The following MALRD1 variants were observed in gnomAD, a reference collection of about 807,000 sequenced individuals.
The protein encoded by MALRD1 is MAM and LDL receptor class A domain containing 1, also known as MAM and LDL-receptor class A domain-containing protein 1.
In MALRD1, 247 loss-of-function variants were observed where a neutral mutation model predicts 242.1. That is an observed-to-expected ratio of 1.02 (90% CI 0.92 to 1.13). The LOEUF is 1.13. Ranked by LOEUF, MALRD1 falls within the 50% of genes most tolerant of loss-of-function variation. MALRD1 has a pLI of 0.00. For missense variants in MALRD1, 2,989 were observed against 2,533.1 expected (o/e 1.18, Z -3.86); for synonymous variants, 995 against 866.6 (o/e 1.15, Z -2.60).
At chr10:19,510,129 G>A (rs1482198400) in intron 31 of MALRD1, among the ~76,000 whole-genome samples, 1 of 152,146 alleles carries the variant, frequency 6.6e-6, no homozygotes, top group Admixed American at 6.5e-5. Context: ...CTTTTGATGT[G>A]CACGTACGTA....
At chr10:19,469,714 G>A (rs1836401322) in intron 29 of MALRD1, among the ~76,000 whole-genome samples, 1 of 151,798 alleles carries the variant, frequency 6.6e-6, no homozygotes, top group Non-Finnish European at 1.5e-5. Flanking sequence ...TGGGTTACAT[G>A]CCAAAAGTAA....
At chr10:19,724,992 A>G (rs888251417) in intron 38 of MALRD1, 1 of 152,224 alleles carries the variant, frequency 6.6e-6, no homozygotes. Flanking sequence ...CTAAAAGAAT[A>G]AAATACCTGG....
intron 21 of MALRD1, among the ~76,000 whole-genome samples, chr10:19,315,261 TAAATATAA>T (rs1564554669): frequency 1.3e-4 from 6 of 47,854 alleles, no homozygotes; most frequent in Non-Finnish European, 2.0e-4. Flanking sequence ...TATAAATATA[TAAATATAA>T]TTTATAGAAA....
chr10:19,345,452 G>T (rs1172557286), intron 24 of MALRD1, among the ~76,000 whole-genome samples: 2 of 151,878 alleles, frequency 1.3e-5, no homozygotes, highest in Admixed American at 6.6e-5. Flanking sequence ...GCTGAGTTGG[G>T]GTTCATTATT....
At position 19,155,173 on chromosome 10, in the gene MALRD1, G is replaced by C; in HGVS notation, c.1656+1G>C. 1 of 1,230,164 alleles carries C rather than the reference G, an allele frequency of 8.1e-7. No homozygotes were observed. Among genetic ancestry groups the C allele is most frequent in the Non-Finnish European group, 1.0e-6 (1 of 986,624 alleles). 76.2% of individuals were successfully genotyped at this position (1,230,164 alleles called of 1,614,324 possible). On this transcript the variant is annotated splice_donor_variant, in intron 12 of 39. Coordinates refer to ENST00000454679, the MANE Select transcript of MALRD1 (RefSeq NM_001142308.3). LOFTEE classifies it high-confidence loss of function. ...GCTCACTGCCTCTACCCCATGTCAG[G>C]TAATCAACTGTTCTGAATTTCCACT...
intron 31 of MALRD1, among the ~76,000 whole-genome samples, chr10:19,502,804 A>C (rs1589164311): frequency 6.6e-6 from 1 of 152,332 alleles, no homozygotes; most frequent in East Asian, 1.9e-4. Flanking sequence ...TGATACAAAA[A>C]CTGCAGGCTC....
intron 38 of MALRD1, among the ~76,000 whole-genome samples, chr10:19,714,669 A>T (rs752291669): frequency 3.3e-5 from 5 of 152,164 alleles, no homozygotes; most frequent in Non-Finnish European, 5.9e-5. Flanking sequence ...AATGTGACAC[A>T]TCCATAAAAG....
chr10:19,352,592 G>A (rs553842411), intron 26 of MALRD1, among the ~76,000 whole-genome samples: 1 of 152,188 alleles, frequency 6.6e-6, no homozygotes, highest in South Asian at 2.1e-4. Context: ...GTCTGCTTCA[G>A]AATTTAATCC....
intron 5 of MALRD1, among the ~76,000 whole-genome samples, chr10:19,111,993 A>G (rs186861100): frequency 1.6e-3 from 244 of 152,270 alleles, no homozygotes; most frequent in Non-Finnish European, 3.1e-3. Flanking sequence ...TTAAATTGCC[A>G]AATGGGACTC....
At chr10:19,228,346 T>C (rs1454463941) in intron 18 of MALRD1, among the ~76,000 whole-genome samples, 6 of 152,074 alleles carry the variant, frequency 3.9e-5, no homozygotes, top group Non-Finnish European at 8.8e-5. Context: ...AAATGCAAAC[T>C]GTAGAAACAG....
chr10:19,077,667 C>T (rs1835358551), intron 2 of MALRD1, among the ~76,000 whole-genome samples: 1 of 151,850 alleles, frequency 6.6e-6, no homozygotes, highest in African/African-American at 2.4e-5. Context: ...AATCTAAATA[C>T]ACTAAATATA....
intron 36 of MALRD1, among the ~76,000 whole-genome samples, chr10:19,661,070 C>CA (rs777048444): frequency 9.1e-4 from 138 of 152,224 alleles, no homozygotes; most frequent in Non-Finnish European, 1.6e-3. Flanking sequence ...AAATGCAAAT[C>CA]AAAACCACAA....
chr10:19,221,627 C>A (rs1837558469), intron 18 of MALRD1, among the ~76,000 whole-genome samples: 2 of 152,070 alleles, frequency 1.3e-5, no homozygotes, highest in Non-Finnish European at 2.9e-5. Flanking sequence ...GTCAAGCAGA[C>A]CTCATTAAAG....
intron 25 of MALRD1, among the ~76,000 whole-genome samples, chr10:19,349,881 C>A (rs1844297282): frequency 6.6e-6 from 1 of 152,086 alleles, no homozygotes; most frequent in South Asian, 2.1e-4. Flanking sequence ...AAGATTTCAT[C>A]CATTGCTATA....
At chr10:19,280,936 A>G (rs1840774557) in intron 20 of MALRD1, among the ~76,000 whole-genome samples, 2 of 152,190 alleles carry the variant, frequency 1.3e-5, no homozygotes, top group African/African-American at 4.8e-5. Context: ...AATTGACTGT[A>G]CCATCATATT....
At chr10:19,119,939 C>T (rs1008876821) in intron 5 of MALRD1, among the ~76,000 whole-genome samples, 9 of 151,056 alleles carry the variant, frequency 6.0e-5, no homozygotes, top group African/African-American at 2.2e-4. Context: ...CTCAGTCATA[C>T]TTTTGCAAAG....
Position 19,124,885 on chromosome 10 carries a change from T to C in MALRD1, c.943+215T>C, listed in dbSNP as rs372045506. Among the ~76,000 whole-genome samples the C allele has an allele frequency of 7.2e-4, 110 of 151,876 alleles. No individual in the cohort carries two copies. In the South Asian group the frequency reaches 0.013, roughly 18 times the overall value. On this transcript the variant is annotated intron_variant, in intron 7 of 39. Coordinates refer to ENST00000454679, the MANE Select transcript of MALRD1 (RefSeq NM_001142308.3). ...TAGGTTAACAATATTTTTTAAGTTT[T>C]ATTATTTCCTTCAGGATTTATTATC...
At chr10:19,411,749 G>A (rs1833283806) in intron 28 of MALRD1, among the ~76,000 whole-genome samples, 1 of 152,044 alleles carries the variant, frequency 6.6e-6, no homozygotes, top group African/African-American at 2.4e-5. Flanking sequence ...AAACAACCAA[G>A]GGACACTAGT....
intron 28 of MALRD1, among the ~76,000 whole-genome samples, chr10:19,398,502 T>C (rs965178651): frequency 6.6e-6 from 1 of 152,154 alleles, no homozygotes; most frequent in Non-Finnish European, 1.5e-5. Context: ...TAATGGGATA[T>C]TAAAATATCT....
Sources: allele counts gnomAD v4.1 joint callset (sites outside exome capture counted in the v4.1 genomes callset), GRCh38; gene constraint gnomAD v4.1.1; transcripts MANE v1.5; gene names NCBI Gene and HGNC (gene_info 2026-07-23, HGNC 2026-07-21).